GLCCI1: variants seen among roughly 807,000 people sequenced by gnomAD.
GLCCI1 encodes the protein glucocorticoid induced 1, also known as glucocorticoid-induced transcript 1 protein.
GLCCI1 carries 24 observed loss-of-function variants against 52.2 expected under a neutral mutation model. The ratio of observed to expected loss-of-function variants is 0.46; its 90% CI spans 0.33 to 0.65. GLCCI1 has a LOEUF of 0.65. Among genes scored for constraint, GLCCI1 ranks in the 30% least tolerant of loss-of-function variants. The pLI is 0.02. For synonymous variants in GLCCI1, 310 were observed against 276.5 expected (o/e 1.12, Z -1.20); for missense variants, 704 against 701.5 (o/e 1.00, Z -0.04).
rs912962575 is a variant in GLCCI1 at position 7,971,875 on chromosome 7, A to C, written c.457+2068A>C. ...GTCAGAGAGCTTGTGTTGGGAATGC[A>C]AGGGCTTTCTTTGCTAAAGATGTTT... is the stretch of plus-strand genomic sequence containing the variant. On this transcript the variant is annotated intron_variant, in intron 1 of 7. Coordinates refer to ENST00000223145, the MANE Select transcript of GLCCI1 (RefSeq NM_138426.4). 2.0e-5 allele frequency among the ~76,000 whole-genome samples: 3 copies of C among 152,210 alleles called. No homozygotes were observed. The East Asian group carries it at 5.8e-4, about 29-fold the overall frequency.
intron 2 of GLCCI1, among the ~76,000 whole-genome samples, chr7:8,019,521 T>C (rs1379069468): frequency 1.3e-5 from 2 of 152,208 alleles, no homozygotes; most frequent in Non-Finnish European, 2.9e-5. Context: ...GAGAGAACTC[T>C]TTCAGTCGTT....
At chr7:8,066,650 T>C (rs1433934400) in intron 5 of GLCCI1, among the ~76,000 whole-genome samples, 1 of 151,852 alleles carries the variant, frequency 6.6e-6, no homozygotes, top group Non-Finnish European at 1.5e-5. Context: ...GCAAATGCCA[T>C]TCAGGAGCAG....
At chr7:8,007,697 G>T (rs1031107877) in intron 2 of GLCCI1, among the ~76,000 whole-genome samples, 1 of 152,210 alleles carries the variant, frequency 6.6e-6, no homozygotes, top group African/African-American at 2.4e-5. Context: ...TACTCAGCTT[G>T]CTACAGACAT....
At chr7:8,078,044 C>T (rs1047929630) in intron 6 of GLCCI1, among the ~76,000 whole-genome samples, 17 of 151,784 alleles carry the variant, frequency 1.1e-4, no homozygotes, top group African/African-American at 3.4e-4. Context: ...ACCATCCTGG[C>T]TAACACGGTG....
At chr7:8,075,302 C>G (rs531472748) in intron 6 of GLCCI1, among the ~76,000 whole-genome samples, 33 of 152,140 alleles carry the variant, frequency 2.2e-4, no homozygotes, top group African/African-American at 7.5e-4. Flanking sequence ...TTCCAGTGAC[C>G]TAAAGACTGA....
rs112633997 is a variant in GLCCI1, at chr7:7,974,662, G to T, written c.457+4855G>T. Among the ~76,000 whole-genome samples the T allele has an allele frequency of 3.6e-3, 551 of 152,296 alleles. 6 individuals are homozygous for T. Among genetic ancestry groups the T allele is most frequent in the Admixed American group, 5.1e-3 (78 of 15,300 alleles). The stretch of plus-strand genomic sequence containing the variant: ...TGTTCAACAAATGGCTAGTCGGAGA[G>T]GGTTTTCCTTAGTCTGAAATTTTAA... On this transcript the variant is annotated intron_variant, in intron 1 of 7. Coordinates refer to ENST00000223145, the MANE Select transcript of GLCCI1 (RefSeq NM_138426.4).
chr7:8,017,990 T>C (rs1018895794), intron 2 of GLCCI1, among the ~76,000 whole-genome samples: 3 of 152,178 alleles, frequency 2.0e-5, no homozygotes, highest in Non-Finnish European at 4.4e-5. Flanking sequence ...AAAACAAATA[T>C]TTGTAAATAA....
chr7:8,060,811 T>C (rs1303715655), intron 5 of GLCCI1, among the ~76,000 whole-genome samples: 1 of 152,252 alleles, frequency 6.6e-6, no homozygotes, highest in Non-Finnish European at 1.5e-5. Context: ...GTGAACATAC[T>C]GTTTGCATTT....
intron 1 of GLCCI1, among the ~76,000 whole-genome samples, chr7:7,993,603 G>A (rs944433992): frequency 7.9e-5 from 12 of 152,100 alleles, no homozygotes; most frequent in Non-Finnish European, 1.5e-5. Context: ...TGTGTTCTCT[G>A]GACCATCAGA....
intron 1 of GLCCI1, among the ~76,000 whole-genome samples, chr7:7,983,134 A>G (rs1780656452): frequency 6.6e-6 from 1 of 152,188 alleles, no homozygotes; most frequent in African/African-American, 2.4e-5. Context: ...ACAATGTTAA[A>G]TGAATCATAT....
chr7:8,064,484 C>T (rs574760812), intron 5 of GLCCI1, among the ~76,000 whole-genome samples: 2 of 152,160 alleles, frequency 1.3e-5, no homozygotes, highest in Admixed American at 1.3e-4. Flanking sequence ...GTACCAGTAC[C>T]ATGTTTTGGT....
chr7:8,019,416 A>G (rs1316392407), intron 2 of GLCCI1, among the ~76,000 whole-genome samples: 1 of 152,212 alleles, frequency 6.6e-6, no homozygotes, highest in Non-Finnish European at 1.5e-5. Flanking sequence ...TGTTTATTTT[A>G]AATTGATGGA....
chr7:8,081,547 C>G (rs886393978), intron 6 of GLCCI1, among the ~76,000 whole-genome samples: 1 of 151,974 alleles, frequency 6.6e-6, no homozygotes, highest in Non-Finnish European at 1.5e-5. Context: ...ATGGTATGCT[C>G]AAATGTATAA....
chr7:8,022,814 T>A, intron 3 of GLCCI1: 1 of 210,038 alleles, frequency 4.8e-6, no homozygotes, highest in Middle Eastern at 1.8e-3. Flanking sequence ...CCTATTTGTG[T>A]ATTTTGCGTC....
At chr7:8,041,843 C>T (rs189135678) in intron 3 of GLCCI1, among the ~76,000 whole-genome samples, 1 of 152,152 alleles carries the variant, frequency 6.6e-6, no homozygotes. Flanking sequence ...CCTCCCGCCT[C>T]AGCCTCCCAA....
intron 6 of GLCCI1, among the ~76,000 whole-genome samples, chr7:8,077,655 A>G (rs935838851): frequency 1.4e-5 from 2 of 138,642 alleles, no homozygotes; most frequent in African/African-American, 5.5e-5. Context: ...TATTTCCAAT[A>G]TTACCACAGT....
At chr7:8,082,622 A>AGAT (rs1783018732) in intron 6 of GLCCI1, among the ~76,000 whole-genome samples, 1 of 152,180 alleles carries the variant, frequency 6.6e-6, no homozygotes, top group African/African-American at 2.4e-5. Flanking sequence ...TTTATTGAAA[A>AGAT]GATATAAACC....
rs1474128751 is a variant in GLCCI1 at position 7,969,299 on chromosome 7, C to T, written c.-52C>T. 6 of 1,371,452 alleles carry T rather than the reference C, an allele frequency of 4.4e-6. No homozygotes were observed. In the Admixed American group the frequency reaches 1.0e-4, roughly 23 times the overall value. The allele number at this position is 1,371,452 out of a possible 1,614,324, so 85.0% of individuals were successfully genotyped here. On this transcript the variant is annotated 5_prime_UTR_variant, in exon 1 of 8. Coordinates refer to ENST00000223145, the MANE Select transcript of GLCCI1 (RefSeq NM_138426.4). The surrounding 1 kb of genome is among the most constrained non-coding windows in gnomAD (Gnocchi z 4.9). ...CGGCTCCCACACGCTCGCGCGCCTC[C>T]CGCCCCGCGCCTCCGTGTCGGCCGG...
At chr7:8,066,433 T>C (rs1782632461) in intron 5 of GLCCI1, among the ~76,000 whole-genome samples, 1 of 152,106 alleles carries the variant, frequency 6.6e-6, no homozygotes, top group African/African-American at 2.4e-5. Flanking sequence ...CTGCTAGCTT[T>C]GGAGTTAGTT....
Sources: allele counts gnomAD v4.1 joint callset (sites outside exome capture counted in the v4.1 genomes callset), GRCh38; gene constraint gnomAD v4.1.1; non-coding constraint Gnocchi (gnomAD v3.1); transcripts MANE v1.5; gene names NCBI Gene and HGNC (gene_info 2026-07-23, HGNC 2026-07-21).